The following GPR179 variants were observed in gnomAD, a reference collection of about 807,000 sequenced individuals.
GPR179 encodes G protein-coupled receptor 179.
A neutral mutation model predicts 70.8 loss-of-function variants in GPR179; 52 were observed. That is an observed-to-expected ratio of 0.73 (90% CI 0.59 to 0.93). The LOEUF (loss-of-function observed/expected upper bound fraction) is 0.93, where lower values mean the gene tolerates loss of function less well. GPR179 is among the 40% of genes least tolerant of loss of function. The pLI is 0.00. For synonymous variants in GPR179, 1,123 were observed against 1,169.0 expected, an observed-to-expected ratio of 0.96 and a Z score of 0.80; for missense variants, 2,734 against 2,966.8, an observed-to-expected ratio of 0.92 and a Z score of 1.82.
In GPR179 at chr17:38,330,493, G is replaced by A. The variant is rs1019999696; in HGVS notation, c.3076C>T (p.Arg1026Ter). 4 of 1,551,418 alleles carry A rather than the reference G, an allele frequency of 2.6e-6. No individual in the cohort carries two copies. The highest frequency in any genetic ancestry group is 1.4e-5 in the African/African-American group (1 of 73,098). Residue 1026 changes from arginine to a stop codon, truncating the protein, a stop_gained, in exon 11 of 11, where the codon CGA becomes TGA. Transcript: ENST00000616987. LOFTEE classifies it low-confidence loss of function (END_TRUNC). ...GAGAGGGCCCTCCAGAGCCTGGCTC[G>A]AGCTGGGGCAGGGGAGTGGTGGCCT... Reference protein sequence around the residue: ...ERGHHSPAPARARLWRALSVA... With the variant: ...ERGHHSPAPA
In GPR179 at chr17:38,335,200, T is replaced by C. The variant is rs4550493; in HGVS notation, c.1478A>G (p.His493Arg). Residue 493 changes from histidine (H) to arginine (R), a missense_variant, in exon 7 of 11, where the codon CAC becomes CGC. Coordinates refer to ENST00000616987, the MANE Select transcript of GPR179 (RefSeq NM_001004334.4). ...ALLSSGRLLR[H>R]LGLLLLPVLG... ...CACAGGTAGCAGGAGCAGCCCCAGG[T>C]GCCGCAGCAGCCGCCCGCTGCTCAG... 0.95 allele frequency: 1,482,364 copies of C among 1,560,122 alleles called. 704,512 individuals carry two copies. Among genetic ancestry groups the C allele is most frequent in the East Asian group, 1 (41,504 of 41,570 alleles).
At chr17:38,337,597 T>A (rs766879526) in intron 3 of GPR179, 36 bp downstream of exon 3, 109 of 1,563,108 alleles carry the variant, frequency 7.0e-5, no homozygotes, top group Non-Finnish European at 9.0e-5. Flanking sequence ...TCCTCTCATG[T>A]AAAACACATG....
Position 38,330,970 on chromosome 17 carries a change from T to G in GPR179, c.2599A>C (p.Lys867Gln). The G allele has an allele frequency of 6.2e-7, 1 of 1,612,398 alleles. No individual in the cohort carries two copies. The highest frequency in any genetic ancestry group is 1.1e-5 in the South Asian group (1 of 90,770). Residue 867 changes from lysine to glutamine, a missense_variant, in exon 11 of 11, where the codon AAG becomes CAG. Coordinates refer to ENST00000616987, the MANE Select transcript of GPR179 (RefSeq NM_001004334.4). ...AYLEETYRQA[K>Q]EREERKKAKA... The stretch of plus-strand genomic sequence containing the variant: ...GCCTTCTTCCGCTCCTCCCGCTCCT[T>G]TGCTTGCCGGTAGGTCTCCTCCAGG...
Position 38,329,089 on chromosome 17 carries a change from T to G in GPR179, c.4480A>C (p.Ser1494Arg). The change falls in exon 11 of 11, where the codon AGT becomes CGT. Residue 1494 changes from serine to arginine, a missense_variant. By Grantham distance (110) the Ser-to-Arg change is moderately radical. Coordinates refer to ENST00000616987, the MANE Select transcript of GPR179 (RefSeq NM_001004334.4). ...DDNVMGQEMLSLGTGRESLQE... is the reference protein window; with the variant it reads ...DDNVMGQEMLRLGTGRESLQE... ...AGAGATTCTCTACCTGTCCCCAGAC[T>G]CAGCATTTCCTGCCCCATCACGTTA... The G allele has an allele frequency of 6.2e-7, 1 of 1,612,790 alleles. No homozygotes were observed. Among genetic ancestry groups the G allele is most frequent in the Non-Finnish European group, 8.5e-7 (1 of 1,179,588 alleles).
chr17:38,342,377 A>C (rs1199933601), intron 1 of GPR179, among the ~76,000 whole-genome samples: 3 of 145,864 alleles, frequency 2.1e-5, no homozygotes, highest in Admixed American at 6.9e-5. Flanking sequence ...CTTGTTGCCC[A>C]GGCTGGAGTG....
At chr17:38,342,875 T>A in intron 1 of GPR179, 121 bp downstream of exon 1, 2 of 932,324 alleles carry the variant, frequency 2.1e-6, no homozygotes, top group South Asian at 3.2e-5. Context: ...AATACCCACA[T>A]CTGTGTGCCC....
chr17:38,334,622 T>G lies in GPR179; in HGVS notation c.1784+82A>C. On this transcript the variant is annotated intron_variant, in intron 8 of 10. Coordinates refer to ENST00000616987, the MANE Select transcript of GPR179 (RefSeq NM_001004334.4). This position sits in a 1 kb window ranked among gnomAD's most constrained non-coding sequence, Gnocchi z 4.7. ...GCGTAGCAGTGTTGCCAGGATGGCA[T>G]GGGATGGGGGCACCTCACCTGGGAG... is the stretch of plus-strand genomic sequence containing the variant. 1.4e-6 allele frequency: 2 copies of G among 1,469,212 alleles called. No individual in the cohort carries two copies. Among genetic ancestry groups the G allele is most frequent in the Non-Finnish European group, 1.9e-6 (2 of 1,079,636 alleles). The allele number at this position is 1,469,212 out of a possible 1,614,324, so 91.0% of individuals were successfully genotyped here.
Position 38,328,516 on chromosome 17 carries a change from C to CT in GPR179, c.5052dup (p.Ala1685SerfsTer38). 1 of 1,613,234 alleles carries CT rather than the reference C, an allele frequency of 6.2e-7. No homozygotes were observed. Among genetic ancestry groups the CT allele is most frequent in the Non-Finnish European group, 8.5e-7 (1 of 1,179,782 alleles). On this transcript the variant is annotated frameshift_variant, in exon 11 of 11. Transcript: ENST00000616987. LOFTEE classifies it low-confidence loss of function (END_TRUNC). The stretch of plus-strand genomic sequence containing the variant: ...ACATCCAAAGGGCAAATGTCGGCAG[C>CT]TTTGCTTCCCACACTGCCTGACATC...
In GPR179 at chr17:38,337,633, C is replaced by G. The variant is rs767176490; in HGVS notation, c.991G>C (p.Gly331Arg). 1 of 1,607,710 alleles carries G rather than the reference C, an allele frequency of 6.2e-7. No homozygotes were observed. The highest frequency in any genetic ancestry group is 8.5e-7 in the Non-Finnish European group (1 of 1,177,286). The change falls in exon 3 of 11, where the codon GGG (glycine) becomes CGG (arginine). Residue 331 changes from glycine to arginine, a missense_variant and splice_region_variant. Gly to Arg is a moderately radical substitution (Grantham distance 125). Transcript: ENST00000616987. ...CCTGGCCCCCACCACACTTACATACCCCCAGAGGGGCTTGCCCCGTAGAAT... is the reference window on the plus strand; with the variant it reads ...CCTGGCCCCCACCACACTTACATACGCCCAGAGGGGCTTGCCCCGTAGAAT... ...PGFYGASPSG[G>R]LEESDFQTTG...
chr17:38,342,179 G>A (rs2037454431), intron 1 of GPR179, among the ~76,000 whole-genome samples: 2 of 152,050 alleles, frequency 1.3e-5, no homozygotes, highest in African/African-American at 4.8e-5. Context: ...TTGCTAGAGA[G>A]CAGTAGGTTG....
At position 38,330,516 on chromosome 17, in the gene GPR179, C is replaced by T; in HGVS notation, c.3053G>A (p.Gly1018Asp). 6.4e-7 allele frequency: 1 copy of T among 1,556,254 alleles called. No individual in the cohort carries two copies. Among genetic ancestry groups the T allele is most frequent in the Non-Finnish European group, 8.7e-7 (1 of 1,153,180 alleles). ...TCGAGCTGGGGCAGGGGAGTGGTGG[C>T]CTCGCTCTGGCCCTGAGGGGCCTTC... ...PQEGPSGPER[G>D]HHSPAPARAR... is the part of the protein sequence containing the mutation. The change falls in exon 11 of 11, where the codon GGC becomes GAC. Residue 1018 changes from glycine (G) to aspartate (D), a missense_variant. Gly to Asp is a moderately conservative substitution (Grantham distance 94). Coordinates refer to ENST00000616987, the MANE Select transcript of GPR179 (RefSeq NM_001004334.4).
At chr17:38,342,350 T>G (rs1349582625) in intron 1 of GPR179, among the ~76,000 whole-genome samples, 1 of 151,526 alleles carries the variant, frequency 6.6e-6, no homozygotes, top group Non-Finnish European at 1.5e-5. Flanking sequence ...TTTTTTTTTT[T>G]GAGACAGAGT....
Position 38,325,615 on chromosome 17 carries a change from A to T in GPR179, c.*850T>A, listed in dbSNP as rs1350156769. On this transcript the variant is annotated 3_prime_UTR_variant, in exon 11 of 11. Coordinates refer to ENST00000616987, the MANE Select transcript of GPR179 (RefSeq NM_001004334.4). The stretch of plus-strand genomic sequence containing the variant: ...GTGAGACGAGCTCTGGAGACTGGTG[A>T]GAGCTAGGGCAGGAAGAGGGGGAGA... 1 of 152,304 alleles carries T rather than the reference A, an allele frequency of 6.6e-6. No homozygotes were observed. The highest frequency in any genetic ancestry group is 1.5e-5 in the Non-Finnish European group (1 of 68,084). 9.4% of individuals were successfully genotyped at this position (152,304 alleles called of 1,614,324 possible).
chr17:38,334,832 C>T lies in GPR179; in HGVS notation c.1656G>A (p.Leu552=). The T allele has an allele frequency of 6.2e-7, 1 of 1,612,162 alleles. No individual in the cohort carries two copies. The highest frequency in any genetic ancestry group is 8.5e-7 in the Non-Finnish European group (1 of 1,179,858). The change falls in exon 8 of 11, where the codon CTG becomes CTA. Residue 552 remains leucine (L), a synonymous_variant. Transcript: ENST00000616987. This position sits in a 1 kb window ranked among gnomAD's most constrained non-coding sequence, Gnocchi z 4.7. ...AGAGGAAGCTGCCCCAGCACAGCAG[C>T]AGCAGCTCAGCTGTGGGGAGACAGG... The part of the protein sequence containing the change: ...WDYIMVVAEL[L]LLCWGSFLCY...
At chr17:38,342,487 T>G (rs1318418227) in intron 1 of GPR179, among the ~76,000 whole-genome samples, 24 of 152,052 alleles carry the variant, frequency 1.6e-4, no homozygotes, top group Non-Finnish European at 1.5e-5. Flanking sequence ...TTACAGGTAC[T>G]CGCTACCACA....
In GPR179 at chr17:38,333,313, A is replaced by C; in HGVS notation, c.1975T>G (p.Tyr659Asp). Residue 659 changes from tyrosine (Y) to aspartate (D), a missense_variant, in exon 10 of 11, where the codon TAC (tyrosine) becomes GAC (aspartate). Coordinates refer to ENST00000616987, the MANE Select transcript of GPR179 (RefSeq NM_001004334.4). The stretch of plus-strand genomic sequence containing the variant: ...GCTGAGGCGATGCTGCTGCCAAGGT[A>C]GGAGCCTGAGTGCTGCAGGTCCAGC... ...DELDLQHSGSYLGSSIASAWS... is the reference protein window; with the variant it reads ...DELDLQHSGSDLGSSIASAWS... 6.2e-7 allele frequency: 1 copy of C among 1,614,068 alleles called. No individual in the cohort carries two copies. Among genetic ancestry groups the C allele is most frequent in the Non-Finnish European group, 8.5e-7 (1 of 1,179,976 alleles).
chr17:38,334,917 T>C lies in GPR179; in HGVS notation c.1646-75A>G. 6.2e-7 allele frequency: 1 copy of C among 1,600,146 alleles called. No individual in the cohort carries two copies. The highest frequency in any genetic ancestry group is 8.5e-7 in the Non-Finnish European group (1 of 1,170,918). On this transcript the variant is annotated intron_variant, in intron 7 of 10. Transcript: ENST00000616987. The surrounding 1 kb of genome is among the most constrained non-coding windows in gnomAD (Gnocchi z 4.7). ...CCACCCCTTTCTCTGAAAGATGTGC[T>C]GGGGGGAGCCTGGGCTCGGGGTCTG...
chr17:38,336,320 C>T (rs2037404313), intron 4 of GPR179, among the ~76,000 whole-genome samples, 176 bp from the exon 5 acceptor site: 1 of 152,234 alleles, frequency 6.6e-6, no homozygotes, highest in African/African-American at 2.4e-5. Context: ...ACTCCACTGG[C>T]ACTAAACATG....
Position 38,336,103 on chromosome 17 carries a change from A to T in GPR179, c.1269T>A (p.Leu423=), listed in dbSNP as rs905602050. 6.2e-6 allele frequency: 10 copies of T among 1,613,642 alleles called. No individual in the cohort carries two copies. Among genetic ancestry groups the T allele is most frequent in the Non-Finnish European group, 8.5e-6 (10 of 1,179,658 alleles). Residue 423 remains leucine, a synonymous_variant, in exon 5 of 11, where the codon CTT becomes CTA. Transcript: ENST00000616987. ...ASGVVLLETV[L]FGFLLLYFPV... ...GAAAGTAAAGCAGCAGGAATCCAAA[A>T]AGGACAGTTTCCAGCAGGACCACTC...
Sources: gnomAD v4.1 joint callset for allele counts (sites outside exome capture counted in the v4.1 genomes callset) on GRCh38, gnomAD v4.1.1 for gene constraint, Gnocchi (gnomAD v3.1) non-coding constraint, MANE v1.5 for transcripts, NCBI Gene and HGNC (gene_info 2026-07-23, HGNC 2026-07-21) for gene names.